Variants in FNDC3B observed in about 807,000 individuals in gnomAD.
FNDC3B encodes the protein fibronectin type III domain containing 3B, also known as fibronectin type III domain-containing protein 3B.
FNDC3B carries 12 observed loss-of-function variants against 151.5 expected under a neutral mutation model. The observed-to-expected ratio is 0.08, with a 90% CI of 0.05 to 0.13. The LOEUF (loss-of-function observed/expected upper bound fraction) is 0.13. FNDC3B is among the 10% of genes least tolerant of loss of function. FNDC3B has a pLI of 1.00. For missense variants in FNDC3B, 1,214 were observed against 1,505.3 expected, an observed-to-expected ratio of 0.81 and a Z score of 3.20; for synonymous variants, 528 against 549.0, an observed-to-expected ratio of 0.96 and a Z score of 0.54.
At chr3:172,252,523 G>T (rs193023509) in intron 6 of FNDC3B, among the ~76,000 whole-genome samples, 61 of 151,402 alleles carry the variant, frequency 4.0e-4, no homozygotes, top group Non-Finnish European at 6.9e-4. Flanking sequence ...ATTCCTTACT[G>T]CATCTCATTC....
At chr3:172,305,459 C>T (rs985169374) in intron 9 of FNDC3B, among the ~76,000 whole-genome samples, 10 of 152,108 alleles carry the variant, frequency 6.6e-5, no homozygotes, top group African/African-American at 1.7e-4. Flanking sequence ...TGACTGCATC[C>T]GTGTTGTGTT....
Position 172,357,160 on chromosome 3 carries a change from T to C in FNDC3B, c.2795+4077T>C, listed in dbSNP as rs1039068371. Reference sequence around the variant, plus strand: ...ATAAAGAATGTGGTTCTTTGATTTATTTGATTTGTTTAATCAATAATATTA... The same window carrying C: ...ATAAAGAATGTGGTTCTTTGATTTACTTGATTTGTTTAATCAATAATATTA... On this transcript the variant is annotated intron_variant, in intron 22 of 25. Transcript: ENST00000415807. 5.4e-4 allele frequency among the ~76,000 whole-genome samples: 82 copies of C among 152,194 alleles called. 1 individual carries two copies. The highest frequency in any genetic ancestry group is 6.2e-4 in the South Asian group (3 of 4,832).
chr3:172,171,617 TTG>T (rs199931391), intron 3 of FNDC3B, among the ~76,000 whole-genome samples: 6,620 of 124,226 alleles, frequency 0.053, 196 homozygotes, highest in African/African-American at 0.072. Flanking sequence ...TTTTTTTTTT[TTG>T]GAAAGTGCAG....
intron 2 of FNDC3B, among the ~76,000 whole-genome samples, chr3:172,117,799 ATTC>A (rs918357295): frequency 3.3e-5 from 5 of 152,294 alleles, no homozygotes; most frequent in East Asian, 1.9e-4. Flanking sequence ...TTGTCATACT[ATTC>A]TTCTTCTCTC....
intron 1 of FNDC3B, among the ~76,000 whole-genome samples, chr3:172,051,324 T>G (rs1450713319): frequency 6.6e-6 from 1 of 152,042 alleles, no homozygotes; most frequent in Non-Finnish European, 1.5e-5. Context: ...TTCTAGCACT[T>G]TATCTGTACT....
At chr3:172,140,269 C>G (rs1233583428) in intron 3 of FNDC3B, among the ~76,000 whole-genome samples, 1 of 152,202 alleles carries the variant, frequency 6.6e-6, no homozygotes, top group African/African-American at 2.4e-5. Flanking sequence ...ACCAATCAGT[C>G]TTTTACCTGT....
At chr3:172,102,832 A>G (rs1456558852) in intron 1 of FNDC3B, among the ~76,000 whole-genome samples, 1 of 152,252 alleles carries the variant, frequency 6.6e-6, no homozygotes, top group East Asian at 1.9e-4. Flanking sequence ...GTTTTTCACT[A>G]TCTGACTACA....
intron 18 of FNDC3B, among the ~76,000 whole-genome samples, chr3:172,343,739 A>T (rs77938563): frequency 0.01 from 1,547 of 152,318 alleles, 12 homozygotes; most frequent in African/African-American, 0.029. Flanking sequence ...ATTTTGATTT[A>T]GCATGACCTT....
intron 1 of FNDC3B, among the ~76,000 whole-genome samples, chr3:172,068,590 ATTGT>A (rs1017348063): frequency 4.6e-5 from 7 of 151,872 alleles, no homozygotes; most frequent in South Asian, 2.1e-4. Context: ...CGCTCTGGTA[ATTGT>A]TTGTATTTTT....
intron 1 of FNDC3B, among the ~76,000 whole-genome samples, chr3:172,071,105 A>C (rs565755777): frequency 6.6e-6 from 1 of 152,328 alleles, no homozygotes; most frequent in South Asian, 2.1e-4. Context: ...GCTAAAAATT[A>C]GTCTATTTTT....
At chr3:172,293,515 G>A (rs191328714) in intron 7 of FNDC3B, among the ~76,000 whole-genome samples, 1 of 152,278 alleles carries the variant, frequency 6.6e-6, no homozygotes, top group Non-Finnish European at 1.5e-5. Context: ...AGTTGACTAT[G>A]ACTTGGATTC....
chr3:172,169,370 G>T (rs1723177529), intron 3 of FNDC3B, among the ~76,000 whole-genome samples: 1 of 152,200 alleles, frequency 6.6e-6, no homozygotes. Context: ...GGAGCTAACT[G>T]GTATGTTTGG....
intron 6 of FNDC3B, among the ~76,000 whole-genome samples, chr3:172,262,589 GA>G (rs1728700565): frequency 6.8e-6 from 1 of 146,522 alleles, no homozygotes; most frequent in African/African-American, 2.6e-5. Context: ...TGGAAATTGA[GA>G]ATTTTTTTTT....
chr3:172,346,263 A>G, intron 19 of FNDC3B, 64 bp from the exon 20 acceptor site: 3 of 884,418 alleles, frequency 3.4e-6, no homozygotes, highest in Non-Finnish European at 5.4e-6. Flanking sequence ...TTTTGTATGC[A>G]CACACATTCA....
chr3:172,328,781 T>A (rs1732483831), intron 11 of FNDC3B, among the ~76,000 whole-genome samples, 171 bp from the exon 12 acceptor site: 1 of 152,230 alleles, frequency 6.6e-6, no homozygotes, highest in African/African-American at 2.4e-5. Flanking sequence ...CATTGTAGAA[T>A]GCTTTATTTG....
chr3:172,366,244 A>G (rs1481793197), intron 23 of FNDC3B, among the ~76,000 whole-genome samples: 1 of 152,172 alleles, frequency 6.6e-6, no homozygotes, highest in Non-Finnish European at 1.5e-5. Context: ...TTACAAATGC[A>G]ATGTTCAGCC....
At chr3:172,182,465 C>T (rs1723961852) in intron 3 of FNDC3B, among the ~76,000 whole-genome samples, 1 of 152,126 alleles carries the variant, frequency 6.6e-6, no homozygotes, top group Non-Finnish European at 1.5e-5. Context: ...ATGATCAGGA[C>T]CTTACAGGTT....
At chr3:172,391,429 G>A (rs1271876667) in intron 25 of FNDC3B, among the ~76,000 whole-genome samples, 1 of 152,156 alleles carries the variant, frequency 6.6e-6, no homozygotes, top group East Asian at 1.9e-4. Flanking sequence ...AAGTGGCAGA[G>A]CAAGGACTTA....
chr3:172,292,871 G>A (rs1441928328), intron 7 of FNDC3B, among the ~76,000 whole-genome samples: 2 of 152,204 alleles, frequency 1.3e-5, no homozygotes, highest in Non-Finnish European at 2.9e-5. Flanking sequence ...TCTAGGTAGA[G>A]AAACAACACA....
Sources: gnomAD v4.1 joint callset for allele counts (sites outside exome capture counted in the v4.1 genomes callset) on GRCh38, gnomAD v4.1.1 for gene constraint, MANE v1.5 for transcripts, NCBI Gene and HGNC (gene_info 2026-07-23, HGNC 2026-07-21) for gene names.